Variants in SAE1 observed in about 807,000 individuals in gnomAD.
SAE1 encodes SUMO-activating enzyme subunit 1.
SAE1 carries 11 observed loss-of-function variants against 40.6 expected under a neutral mutation model. The observed-to-expected ratio is 0.27, with a 90% CI of 0.17 to 0.45. The LOEUF is 0.45. Ranked by LOEUF, SAE1 falls within the 20% of genes least tolerant of loss-of-function variation. The probability of loss-of-function intolerance (pLI) is 1.00; values close to 1 mark genes in which losing one functional copy is unlikely to be tolerated. For missense variants in SAE1, 373 were observed against 427.3 expected (o/e 0.87, Z 1.12); for synonymous variants, 155 against 154.3 (o/e 1.00, Z -0.03).
At chr19:47,148,172 A>G (rs1360561638) in intron 2 of SAE1, among the ~76,000 whole-genome samples, 1 of 152,030 alleles carries the variant, frequency 6.6e-6, no homozygotes, top group African/African-American at 2.4e-5. Context: ...ATCCAGCCTG[A>G]ATTATTTCAG....
At chr19:47,199,672 G>C (rs908893184) in intron 7 of SAE1, among the ~76,000 whole-genome samples, 6 of 152,152 alleles carry the variant, frequency 3.9e-5, no homozygotes, top group African/African-American at 1.4e-4. Flanking sequence ...CCCCAGGTAT[G>C]CTCAGTGGCT....
chr19:47,145,567 G>T (rs2058250775), intron 2 of SAE1, among the ~76,000 whole-genome samples: 1 of 152,056 alleles, frequency 6.6e-6, no homozygotes, highest in African/African-American at 2.4e-5. Context: ...CCATGCCTCA[G>T]TGACATTTTA....
chr19:47,185,618 T>C (rs925687953), intron 6 of SAE1, among the ~76,000 whole-genome samples: 5 of 151,748 alleles, frequency 3.3e-5, no homozygotes, highest in Non-Finnish European at 7.4e-5. Context: ...TTTTGTTTTT[T>C]TGAGACAGAG....
Position 47,175,821 on chromosome 19 carries a change from C to G in SAE1, c.733+5898C>G, listed in dbSNP as rs113278365. Among the ~76,000 whole-genome samples, 1,087 of 152,266 alleles carry G rather than the reference C, an allele frequency of 7.1e-3. 11 individuals carry two copies. The highest frequency in any genetic ancestry group is 0.025 in the African/African-American group (1,048 of 41,554). Reference sequence around the variant, plus strand: ...GTTCTGTGAGTTAGGGAAACAGGATCACCACCATAGTAGAAAAAACTCTGG... The same window carrying G: ...GTTCTGTGAGTTAGGGAAACAGGATGACCACCATAGTAGAAAAAACTCTGG... On this transcript the variant is annotated intron_variant, in intron 6 of 8. Coordinates refer to ENST00000270225, the MANE Select transcript of SAE1 (RefSeq NM_005500.3).
At chr19:47,139,253 A>G (rs1007807134) in intron 1 of SAE1, among the ~76,000 whole-genome samples, 2 of 152,208 alleles carry the variant, frequency 1.3e-5, no homozygotes, top group African/African-American at 4.8e-5. Context: ...CGTGTTAGCC[A>G]CGATGGTCTC....
At chr19:47,179,625 A>G (rs1429824853) in intron 6 of SAE1, among the ~76,000 whole-genome samples, 1 of 152,126 alleles carries the variant, frequency 6.6e-6, no homozygotes, top group Non-Finnish European at 1.5e-5. Context: ...AACTTACTGC[A>G]GCTTCTCCCT....
chr19:47,169,965 C>A, intron 6 of SAE1, 42 bp downstream of exon 6: 1 of 1,460,864 alleles, frequency 6.8e-7, no homozygotes, highest in Non-Finnish European at 9.6e-7. Context: ...GAGCTTTTGG[C>A]TCTGATTTCT....
intron 6 of SAE1, among the ~76,000 whole-genome samples, chr19:47,184,042 T>C (rs1057014216): frequency 7.9e-5 from 12 of 152,198 alleles, no homozygotes; most frequent in Admixed American, 6.5e-4. Flanking sequence ...TTTTGTAAAT[T>C]AGTTTTTTCA....
At chr19:47,177,402 A>G (rs2058476399) in intron 6 of SAE1, among the ~76,000 whole-genome samples, 1 of 152,108 alleles carries the variant, frequency 6.6e-6, no homozygotes, top group South Asian at 2.1e-4. Flanking sequence ...TCTGCTTTCC[A>G]GGCTGGAGTG....
intron 6 of SAE1, among the ~76,000 whole-genome samples, chr19:47,174,936 T>A (rs1965646580): frequency 6.6e-6 from 1 of 152,018 alleles, no homozygotes. Flanking sequence ...CTCAAACTCC[T>A]GACCTCAGGT....
intron 6 of SAE1, among the ~76,000 whole-genome samples, chr19:47,181,037 C>G (rs2058502759): frequency 6.6e-6 from 1 of 152,062 alleles, no homozygotes; most frequent in Non-Finnish European, 1.5e-5. Context: ...AAAAAGAGGC[C>G]CCGGCGTGGT....
intron 6 of SAE1, among the ~76,000 whole-genome samples, chr19:47,171,748 GC>G (rs550013478): frequency 2.7e-5 from 4 of 149,046 alleles, no homozygotes; most frequent in Non-Finnish European, 5.9e-5. Flanking sequence ...ACAGACGTGA[GC>G]CACTGCACCT....
At chr19:47,169,559 G>A (rs1381720758) in intron 5 of SAE1, among the ~76,000 whole-genome samples, 1 of 152,114 alleles carries the variant, frequency 6.6e-6, no homozygotes. Flanking sequence ...GAGAGTTAAA[G>A]GGCCAGAGTG....
intron 6 of SAE1, among the ~76,000 whole-genome samples, chr19:47,187,115 T>C (rs2058549234): frequency 6.6e-6 from 1 of 152,126 alleles, no homozygotes; most frequent in Non-Finnish European, 1.5e-5. Flanking sequence ...GAAAACAGAA[T>C]GAGGTAAACA....
chr19:47,133,888 A>G, intron 1 of SAE1, among the ~76,000 whole-genome samples: 3 of 143,846 alleles, frequency 2.1e-5, no homozygotes, highest in Admixed American at 7.0e-5. Context: ...TTTGAGACGG[A>G]GTCTCACTCT....
At chr19:47,183,683 G>A (rs2058525304) in intron 6 of SAE1, among the ~76,000 whole-genome samples, 1 of 152,176 alleles carries the variant, frequency 6.6e-6, no homozygotes, top group Non-Finnish European at 1.5e-5. Context: ...GCTGCTCACA[G>A]GCCCCAAGGC....
chr19:47,180,944 G>A lies in SAE1; in HGVS notation c.733+11021G>A, dbSNP rs1302198395. Among the ~76,000 whole-genome samples, 5 of 152,150 alleles carry A rather than the reference G, an allele frequency of 3.3e-5. No homozygotes were observed. In the South Asian group the frequency reaches 1.0e-3, roughly 32 times the overall value. On this transcript the variant is annotated intron_variant, in intron 6 of 8. Transcript: ENST00000270225. ...GGACAGTTAGACCTCATGCCTCTTG[G>A]AATATGTAACCCTGGGTTGGATCTG...
intron 6 of SAE1, among the ~76,000 whole-genome samples, chr19:47,177,459 A>G (rs2058476882): frequency 1.3e-5 from 2 of 152,160 alleles, no homozygotes; most frequent in African/African-American, 4.8e-5. Flanking sequence ...CCTGGGCTCA[A>G]GTTATCCTCT....
intron 3 of SAE1, among the ~76,000 whole-genome samples, chr19:47,151,905 G>T (rs113275493): frequency 6.6e-6 from 1 of 152,236 alleles, no homozygotes; most frequent in Non-Finnish European, 1.5e-5. Context: ...TGTTTGGCTG[G>T]TCCTTGCAGG....
Sources: allele counts gnomAD v4.1 joint callset (sites outside exome capture counted in the v4.1 genomes callset), GRCh38; gene constraint gnomAD v4.1.1; transcripts MANE v1.5; gene names NCBI Gene and HGNC (gene_info 2026-07-23, HGNC 2026-07-21).